HIPK2: variants seen among roughly 807,000 people sequenced by gnomAD.
HIPK2 encodes the protein homeodomain-interacting protein kinase 2.
HIPK2 carries 27 observed loss-of-function variants against 113.7 expected under a neutral mutation model. The ratio of observed to expected loss-of-function variants is 0.24; its 90% CI spans 0.17 to 0.33. The LOEUF (loss-of-function observed/expected upper bound fraction) is 0.33, where lower values mean the gene tolerates loss of function less well. Among genes scored for constraint, HIPK2 ranks in the 10% least tolerant of loss-of-function variants. The pLI is 1.00. For synonymous variants in HIPK2, 631 were observed against 642.2 expected (o/e 0.98, Z 0.26); for missense variants, 1,257 against 1,588.0 (o/e 0.79, Z 3.54).
intron 1 of HIPK2, among the ~76,000 whole-genome samples, chr7:139,772,577 G>A (rs1421598197): frequency 1.3e-5 from 2 of 151,896 alleles, no homozygotes; most frequent in Non-Finnish European, 2.9e-5. Flanking sequence ...ATAGGAAAAT[G>A]GGGTCTTCCC....
At chr7:139,576,727 T>C (rs1798504874) in intron 13 of HIPK2, among the ~76,000 whole-genome samples, 1 of 152,140 alleles carries the variant, frequency 6.6e-6, no homozygotes, top group South Asian at 2.1e-4. Context: ...ATAAACCAGA[T>C]GAAGACGCTG....
rs74752570 is a variant in HIPK2 at position 139,744,786 on chromosome 7, G to A, written c.20-27771C>T. ...GATTTTAACTAGGTTTGCTGACTCC[G>A]GAGGCCACGTTCTGCTCGCTTCACC... On this transcript the variant is annotated intron_variant, in intron 1 of 14. Coordinates refer to ENST00000406875, the MANE Select transcript of HIPK2 (RefSeq NM_022740.5). Among the ~76,000 whole-genome samples the A allele has an allele frequency of 6.0e-3, 915 of 152,276 alleles. 12 individuals carry two copies. Among genetic ancestry groups the A allele is most frequent in the African/African-American group, 0.021 (862 of 41,560 alleles).
intron 1 of HIPK2, among the ~76,000 whole-genome samples, chr7:139,726,581 A>T (rs1795582842): frequency 1.3e-5 from 2 of 152,216 alleles, no homozygotes; most frequent in South Asian, 4.1e-4. Context: ...AGCTATTCAT[A>T]CTGAAACTCT....
intron 9 of HIPK2, among the ~76,000 whole-genome samples, chr7:139,610,237 A>G (rs887496334): frequency 6.6e-6 from 1 of 152,248 alleles, no homozygotes; most frequent in African/African-American, 2.4e-5. Flanking sequence ...TTTCTTTCAG[A>G]GATGGCTCCT....
chr7:139,593,059 C>T (rs576941470), intron 12 of HIPK2, among the ~76,000 whole-genome samples: 2 of 152,340 alleles, frequency 1.3e-5, no homozygotes, highest in South Asian at 2.1e-4. Flanking sequence ...GCATGGTGAC[C>T]TGCACACAGT....
chr7:139,715,656 G>A (rs4074827), intron 2 of HIPK2, among the ~76,000 whole-genome samples: 21,853 of 152,126 alleles, frequency 0.14, 1,601 homozygotes, highest in Non-Finnish European at 0.16. Context: ...CTACCCATCC[G>A]GGAGGACGGA....
At position 139,664,140 on chromosome 7, in the gene HIPK2, G is replaced by A. The variant is rs201177053; in HGVS notation, c.1104-32415C>T. Among the ~76,000 whole-genome samples the A allele has an allele frequency of 2.1e-5, 3 of 143,870 alleles. No homozygotes were observed. In the East Asian group the frequency reaches 6.9e-4, roughly 33 times the overall value. The allele number at this position is 143,870 out of a possible 152,430, so 94.4% of individuals were successfully genotyped here. A position where few individuals can be genotyped will look rare whatever the true frequency, so the allele number is the denominator to read the frequency against. On this transcript the variant is annotated intron_variant, in intron 2 of 14. Transcript: ENST00000406875. ...CTCCTGAAGTCAAACAAACAAGCAA[G>A]CAAACCAACCAACCAACCAACCAAA...
At chr7:139,774,333 A>C (rs1307054172) in intron 1 of HIPK2, among the ~76,000 whole-genome samples, 3 of 152,210 alleles carry the variant, frequency 2.0e-5, no homozygotes, top group Admixed American at 2.0e-4. Context: ...GTATCACTAG[A>C]TTCAAACTCA....
chr7:139,573,429 G>C (rs776596572), intron 14 of HIPK2, 32 bp from the exon 15 acceptor site: 3 of 1,591,752 alleles, frequency 1.9e-6, no homozygotes, highest in Non-Finnish European at 2.6e-6. Context: ...AGAGACGTCA[G>C]GGGCCGACAC....
At chr7:139,707,442 G>A (rs924115833) in intron 2 of HIPK2, among the ~76,000 whole-genome samples, 7 of 152,248 alleles carry the variant, frequency 4.6e-5, no homozygotes, top group African/African-American at 7.2e-5. Flanking sequence ...GCGACGCAGC[G>A]ACCTGCTCTC....
chr7:139,693,505 C>T (rs977289868), intron 2 of HIPK2, among the ~76,000 whole-genome samples: 1 of 152,180 alleles, frequency 6.6e-6, no homozygotes, highest in African/African-American at 2.4e-5. Flanking sequence ...CAAATCCCAG[C>T]AGCACTACTT....
intron 1 of HIPK2, among the ~76,000 whole-genome samples, chr7:139,727,538 C>A (rs150911941): frequency 2.6e-5 from 4 of 152,240 alleles, no homozygotes; most frequent in Non-Finnish European, 5.9e-5. Flanking sequence ...CTAACATTTG[C>A]AAATTCTCCA....
chr7:139,629,189 C>T, intron 4 of HIPK2, 150 bp from the exon 5 acceptor site: 4 of 647,996 alleles, frequency 6.2e-6, no homozygotes, highest in Non-Finnish European at 1.1e-5. Context: ...ACCTGCAATT[C>T]CCTTCTCTCT....
At chr7:139,629,835 G>C (rs1800550991) in intron 4 of HIPK2, among the ~76,000 whole-genome samples, 1 of 151,350 alleles carries the variant, frequency 6.6e-6, no homozygotes, top group Admixed American at 6.6e-5. Flanking sequence ...AAACACAACA[G>C]CAAACTCCAG....
rs1457025151 is a variant in HIPK2, at chr7:139,570,576, T to G, written c.*2351A>C. The G allele has an allele frequency of 1.3e-5, 2 of 152,276 alleles. No homozygotes were observed. Among genetic ancestry groups the G allele is most frequent in the Non-Finnish European group, 2.9e-5 (2 of 68,092 alleles). The allele number at this position is 152,276 out of a possible 1,614,324, so 9.4% of individuals were successfully genotyped here. On this transcript the variant is annotated 3_prime_UTR_variant, in exon 15 of 15. Coordinates refer to ENST00000406875, the MANE Select transcript of HIPK2 (RefSeq NM_022740.5). ...GTTTCCAGTTTGGGGACCTGTTTCT[T>G]TATAAGTAAGAATTTATGGTTGGGG...
At chr7:139,752,309 T>C (rs1395214423) in intron 1 of HIPK2, among the ~76,000 whole-genome samples, 1 of 152,234 alleles carries the variant, frequency 6.6e-6, no homozygotes, top group Non-Finnish European at 1.5e-5. Context: ...ACACCTGTCA[T>C]CGCCCACCCT....
At chr7:139,666,381 AC>A (rs1414416112) in intron 2 of HIPK2, among the ~76,000 whole-genome samples, 1 of 152,202 alleles carries the variant, frequency 6.6e-6, no homozygotes. Context: ...AGCACAGAAG[AC>A]CCAGGGCTCA....
intron 2 of HIPK2, among the ~76,000 whole-genome samples, chr7:139,689,256 A>C (rs1794326699): frequency 6.6e-6 from 1 of 152,158 alleles, no homozygotes; most frequent in South Asian, 2.1e-4. Flanking sequence ...CAATCAGAGA[A>C]AAGCGGTCAT....
At position 139,630,346 on chromosome 7, in the gene HIPK2, C is replaced by T. The variant is rs1800565491; in HGVS notation, c.1347+819G>A. Among the ~76,000 whole-genome samples, 1 of 152,146 alleles carries T rather than the reference C, an allele frequency of 6.6e-6. No homozygotes were observed. The highest frequency in any genetic ancestry group is 2.4e-5 in the African/African-American group (1 of 41,434). On this transcript the variant is annotated intron_variant, in intron 4 of 14. Coordinates refer to ENST00000406875, the MANE Select transcript of HIPK2 (RefSeq NM_022740.5). This position sits in a 1 kb window ranked among gnomAD's most constrained non-coding sequence, Gnocchi z 4.0. ...TGCCTGGAACCCCTCTCCCTAACCC[C>T]CATCACCCCAGCCGCCACCCCACAC...
Sources: allele counts gnomAD v4.1 joint callset (sites outside exome capture counted in the v4.1 genomes callset), GRCh38; gene constraint gnomAD v4.1.1; non-coding constraint Gnocchi (gnomAD v3.1); transcripts MANE v1.5; gene names NCBI Gene and HGNC (gene_info 2026-07-23, HGNC 2026-07-21).